Variants in TUSC3 observed in about 807,000 individuals in gnomAD.
The protein encoded by TUSC3 is tumor suppressor candidate 3.
A neutral mutation model predicts 44.8 loss-of-function variants in TUSC3; 45 were observed. That is an observed-to-expected ratio of 1.00 (90% confidence interval 0.79 to 1.29). TUSC3 has a LOEUF of 1.29. Ranked by LOEUF, TUSC3 falls within the 50% of genes most tolerant of loss-of-function variation. TUSC3 has a pLI of 0.00. For missense variants in TUSC3, 519 were observed against 437.9 expected (o/e 1.19, Z -1.65); for synonymous variants, 212 against 152.9 (o/e 1.39, Z -2.85).
chr8:15,796,227 C>G, the TUSC3 span, among the ~76,000 whole-genome samples: 1 of 152,160 alleles, frequency 6.6e-6, no homozygotes, highest in Non-Finnish European at 1.5e-5. Flanking sequence ...GTGGTGCAAG[C>G]TGAGTCAGCT....
intron 6 of TUSC3, among the ~76,000 whole-genome samples, chr8:15,700,286 C>G (rs886079252): frequency 6.6e-6 from 1 of 152,100 alleles, no homozygotes. Context: ...ATGCTTTTCC[C>G]TCTGTGTAGC....
intron 2 of TUSC3, among the ~76,000 whole-genome samples, chr8:15,637,049 C>T (rs898052576): frequency 1.3e-5 from 2 of 152,262 alleles, no homozygotes; most frequent in South Asian, 4.1e-4. Context: ...TTACAGTTGA[C>T]TATTCTAGGT....
chr8:15,783,053 A>G, the TUSC3 span, among the ~76,000 whole-genome samples: 14 of 152,360 alleles, frequency 9.2e-5, no homozygotes, highest in South Asian at 2.1e-4. Flanking sequence ...CACCATTTCC[A>G]TACACTAACA....
intron 1 of TUSC3, among the ~76,000 whole-genome samples, chr8:15,426,329 C>T (rs1013329474): frequency 3.9e-5 from 6 of 152,284 alleles, no homozygotes; most frequent in East Asian, 1.9e-4. Context: ...ATAGGCACTA[C>T]GTTAGACAGC....
At chr8:15,435,479 A>T (rs187212853) in intron 1 of TUSC3, among the ~76,000 whole-genome samples, 3 of 152,206 alleles carry the variant, frequency 2.0e-5, no homozygotes, top group Non-Finnish European at 1.5e-5. Flanking sequence ...TATTTCAATA[A>T]CATTGATGAT....
At chr8:15,704,255 G>GTTTT (rs373598712) in intron 6 of TUSC3, among the ~76,000 whole-genome samples, 65 of 137,058 alleles carry the variant, frequency 4.7e-4, no homozygotes, top group South Asian at 3.0e-3. Context: ...ATTCTTAATG[G>GTTTT]TTTTTTTTTT....
chr8:15,648,827 G>T (rs1806755640), intron 2 of TUSC3, among the ~76,000 whole-genome samples: 1 of 146,906 alleles, frequency 6.8e-6, no homozygotes, highest in Admixed American at 6.9e-5. Context: ...TTTAAACCCG[G>T]TGTTTCTCTC....
intron 1 of TUSC3, among the ~76,000 whole-genome samples, chr8:15,605,389 C>T (rs191650058): frequency 1.7e-4 from 26 of 152,002 alleles, no homozygotes; most frequent in Admixed American, 2.6e-4. Context: ...TTTCAAATCA[C>T]ATGATTCATA....
At chr8:15,612,956 A>G (rs1276915968) in intron 1 of TUSC3, among the ~76,000 whole-genome samples, 1 of 151,860 alleles carries the variant, frequency 6.6e-6, no homozygotes, top group African/African-American at 2.4e-5. Context: ...GTTAATGTTC[A>G]CAGAAACAAT....
chr8:15,486,036 C>T (rs563939925), intron 2 of TUSC3, among the ~76,000 whole-genome samples: 4 of 152,226 alleles, frequency 2.6e-5, no homozygotes, highest in African/African-American at 9.6e-5. Flanking sequence ...TTAAGTGATC[C>T]ATCCACCTTG....
the TUSC3 span, among the ~76,000 whole-genome samples, chr8:15,838,042 T>C: frequency 6.6e-6 from 1 of 150,396 alleles, no homozygotes. Flanking sequence ...TGGATGGAGA[T>C]AGCCAATTCT....
chr8:15,786,821 G>A, the TUSC3 span, among the ~76,000 whole-genome samples: 2 of 151,128 alleles, frequency 1.3e-5, no homozygotes, highest in Non-Finnish European at 2.9e-5. Flanking sequence ...GTGGGCGCCT[G>A]TAATCTTAGC....
intron 2 of TUSC3, among the ~76,000 whole-genome samples, chr8:15,489,057 T>C (rs573347405): frequency 1.3e-5 from 2 of 152,296 alleles, no homozygotes; most frequent in East Asian, 3.9e-4. Context: ...CAAATATGAG[T>C]GACCAAGACT....
downstream of TUSC3, among the ~76,000 whole-genome samples, chr8:15,767,748 C>T (rs921634561): frequency 1.3e-5 from 2 of 152,080 alleles, no homozygotes. Flanking sequence ...ACTCAGAAGT[C>T]TCTCAGGTGA....
At chr8:15,483,463 C>G (rs1318933410) in exon 2 of TUSC3, 1 of 159,496 alleles carries the variant, frequency 6.3e-6, no homozygotes, top group Non-Finnish European at 1.4e-5. Flanking sequence ...GCCTCAGTCT[C>G]CCAAGTAGCT....
At chr8:15,841,161 T>A in the TUSC3 span, among the ~76,000 whole-genome samples, 1 of 151,950 alleles carries the variant, frequency 6.6e-6, no homozygotes, top group South Asian at 2.1e-4. Context: ...CAAACAGCTA[T>A]ATGTTTTATA....
chr8:15,577,237 G>T (rs1364018024), intron 1 of TUSC3, among the ~76,000 whole-genome samples: 1 of 151,124 alleles, frequency 6.6e-6, no homozygotes, highest in Non-Finnish European at 1.5e-5. Flanking sequence ...AGTAGCTTGC[G>T]AAAATTTTCT....
the TUSC3 span, among the ~76,000 whole-genome samples, chr8:15,842,206 T>A: frequency 1.1e-3 from 169 of 152,240 alleles, no homozygotes; most frequent in African/African-American, 3.8e-3. Flanking sequence ...AGAAGCTACA[T>A]CCTAAGAGAA....
chr8:15,647,494 C>G (rs1206646697), intron 2 of TUSC3, among the ~76,000 whole-genome samples: 1 of 152,022 alleles, frequency 6.6e-6, no homozygotes. Context: ...AGAATCTATT[C>G]TTTTCATCTC....
Sources: allele counts gnomAD v4.1 joint callset (sites outside exome capture counted in the v4.1 genomes callset), GRCh38; gene constraint gnomAD v4.1.1; transcripts MANE v1.5; gene names NCBI Gene and HGNC (gene_info 2026-07-23, HGNC 2026-07-21).